The following RCAN1 variants were observed in gnomAD, a reference collection of about 807,000 sequenced individuals.
RCAN1 encodes the protein calcipressin-1.
A neutral mutation model predicts 22.9 loss-of-function variants in RCAN1; 11 were observed. That is an observed-to-expected ratio of 0.48 (90% CI 0.30 to 0.79). RCAN1 has a LOEUF of 0.79. Among genes scored for constraint, RCAN1 ranks in the 30% least tolerant of loss-of-function variants. The probability of loss-of-function intolerance (pLI) is 0.06; values close to 1 mark genes in which losing one functional copy is unlikely to be tolerated. For synonymous variants in RCAN1, 136 were observed against 142.3 expected (o/e 0.96, Z 0.32); for missense variants, 291 against 337.8 (o/e 0.86, Z 1.09).
intron 1 of RCAN1, among the ~76,000 whole-genome samples, chr21:34,557,983 G>A (rs1167708115): frequency 6.6e-6 from 1 of 152,140 alleles, no homozygotes; most frequent in East Asian, 1.9e-4. Flanking sequence ...AGAATTTGAG[G>A]TAAAGTGACA....
chr21:34,588,717 G>A (rs190289039), intron 1 of RCAN1, among the ~76,000 whole-genome samples: 11 of 152,346 alleles, frequency 7.2e-5, no homozygotes, highest in Admixed American at 2.0e-4. Context: ...GGGTCCTGAC[G>A]AGATATGCTC....
chr21:34,572,135 T>A (rs1356486901), intron 1 of RCAN1, among the ~76,000 whole-genome samples: 1 of 152,112 alleles, frequency 6.6e-6, no homozygotes, highest in Non-Finnish European at 1.5e-5. Context: ...GGGACCAGAA[T>A]ACAAACAGTT....
At chr21:34,521,812 G>A in intron 2 of RCAN1, 154 bp from the exon 3 acceptor site, 1 of 643,726 alleles carries the variant, frequency 1.6e-6, no homozygotes, top group Non-Finnish European at 2.7e-6. Context: ...GGTCTGTAAT[G>A]GGGAGGGCAA....
chr21:34,595,565 C>T (rs1206519372), intron 1 of RCAN1, among the ~76,000 whole-genome samples: 2 of 152,120 alleles, frequency 1.3e-5, no homozygotes, highest in African/African-American at 4.8e-5. Context: ...CCAGGCTCTG[C>T]AGGTTGTTGC....
intron 1 of RCAN1, among the ~76,000 whole-genome samples, chr21:34,602,821 T>C (rs952475071): frequency 3.3e-5 from 5 of 152,248 alleles, no homozygotes; most frequent in African/African-American, 1.2e-4. Flanking sequence ...GTTCTCTCTC[T>C]GTATTTCTTT....
chr21:34,552,054 T>A (rs1357412561), intron 1 of RCAN1, among the ~76,000 whole-genome samples: 1 of 152,118 alleles, frequency 6.6e-6, no homozygotes, highest in African/African-American at 2.4e-5. Flanking sequence ...TTCCTCTCCA[T>A]CCTAGGGTGT....
At chr21:34,527,610 A>G (rs1985145475) in intron 1 of RCAN1, among the ~76,000 whole-genome samples, 1 of 152,210 alleles carries the variant, frequency 6.6e-6, no homozygotes, top group African/African-American at 2.4e-5. Context: ...GCACTACTGA[A>G]TTCAGGCAAA....
At chr21:34,601,881 A>G (rs1313804561) in intron 1 of RCAN1, among the ~76,000 whole-genome samples, 1 of 151,856 alleles carries the variant, frequency 6.6e-6, no homozygotes, top group Non-Finnish European at 1.5e-5. Context: ...GATAACAGTG[A>G]TCACATGTGT....
At chr21:34,533,217 C>T (rs1029932734) in intron 1 of RCAN1, among the ~76,000 whole-genome samples, 1 of 152,172 alleles carries the variant, frequency 6.6e-6, no homozygotes, top group East Asian at 1.9e-4. Flanking sequence ...GCGTTGGCCT[C>T]CCAAAGTGCT....
intron 3 of RCAN1, 53 bp downstream of exon 3, chr21:34,521,446 G>C (rs993569836): frequency 6.2e-7 from 1 of 1,612,352 alleles, no homozygotes; most frequent in African/African-American, 1.3e-5. Flanking sequence ...CCCTGGTGCA[G>C]GGCAGCAGCT....
rs994502997 is a variant in RCAN1, at chr21:34,516,635, T to C, written c.*1449A>G. 6.6e-6 allele frequency: 1 copy of C among 152,256 alleles called. No individual in the cohort carries two copies. Among genetic ancestry groups the C allele is most frequent in the Non-Finnish European group, 1.5e-5 (1 of 68,048 alleles). 9.4% of individuals were successfully genotyped at this position (152,256 alleles called of 1,614,324 possible). On this transcript the variant is annotated 3_prime_UTR_variant, in exon 4 of 4. Coordinates refer to ENST00000313806, the MANE Select transcript of RCAN1 (RefSeq NM_004414.7). ...CCCAAACCGGCTCCCTCTTACCAAG[T>C]ACCGTAAACAGGGTTTGAGAACGTT...
intron 1 of RCAN1, among the ~76,000 whole-genome samples, chr21:34,583,905 TAC>T (rs142532574): frequency 0.013 from 2,027 of 151,618 alleles, 43 homozygotes; most frequent in East Asian, 0.092. Flanking sequence ...CACACACACA[TAC>T]ACACACACAC....
chr21:34,611,036 G>C (rs568162320), intron 1 of RCAN1, among the ~76,000 whole-genome samples: 10 of 152,070 alleles, frequency 6.6e-5, no homozygotes, highest in Non-Finnish European at 1.3e-4. Context: ...AAGGGTATTT[G>C]TTTCCATTAC....
In RCAN1 at chr21:34,549,631, C is replaced by T. The variant is rs147399834; in HGVS notation, c.253-25921G>A. On this transcript the variant is annotated intron_variant, in intron 1 of 3. Transcript: ENST00000313806. ...TGTTTTTAATATACATCAAGCAAAA[C>T]AAGGTTTAACTCTATCTGTGGCATC... 4.0e-4 allele frequency among the ~76,000 whole-genome samples: 61 copies of T among 152,252 alleles called. 1 individual carries two copies. The highest frequency in any genetic ancestry group is 1.5e-3 in the African/African-American group (61 of 41,548).
chr21:34,603,293 C>T (rs986227035), intron 1 of RCAN1, among the ~76,000 whole-genome samples: 10 of 152,198 alleles, frequency 6.6e-5, no homozygotes, highest in African/African-American at 2.4e-4. Flanking sequence ...GGCCCCTCCA[C>T]AAGCTGGAGA....
intron 1 of RCAN1, among the ~76,000 whole-genome samples, chr21:34,601,511 T>A (rs1363855031): frequency 6.6e-6 from 1 of 152,146 alleles, no homozygotes; most frequent in African/African-American, 2.4e-5. Context: ...AAGGTGGGTG[T>A]CCATCTATAA....
At chr21:34,521,254 G>A in intron 3 of RCAN1, 4 of 1,435,974 alleles carry the variant, frequency 2.8e-6, no homozygotes, top group Non-Finnish European at 2.7e-6. Context: ...GACACTGCGG[G>A]GGGTGGAGGG....
At chr21:34,562,419 G>T (rs1986823906) in intron 1 of RCAN1, among the ~76,000 whole-genome samples, 1 of 152,178 alleles carries the variant, frequency 6.6e-6, no homozygotes, top group South Asian at 2.1e-4. Context: ...AATAAAGCCA[G>T]GTGACAAATG....
chr21:34,587,442 A>C (rs994906803), intron 1 of RCAN1, among the ~76,000 whole-genome samples: 4 of 152,188 alleles, frequency 2.6e-5, no homozygotes, highest in African/African-American at 9.6e-5. Flanking sequence ...TTATGCTTTT[A>C]GCATAACCTT....
Sources: gnomAD v4.1 joint callset for allele counts (sites outside exome capture counted in the v4.1 genomes callset) on GRCh38, gnomAD v4.1.1 for gene constraint, MANE v1.5 for transcripts, NCBI Gene and HGNC (gene_info 2026-07-23, HGNC 2026-07-21) for gene names.